The following KAT6A variants were observed in gnomAD, a reference collection of about 807,000 sequenced individuals.
KAT6A encodes the protein histone acetyltransferase KAT6A.
In KAT6A, 9 loss-of-function variants were observed where a neutral mutation model predicts 198.4. The observed-to-expected ratio is 0.05, with a 90% CI of 0.03 to 0.08. The LOEUF is 0.08. Ranked by LOEUF, KAT6A falls within the 10% of genes least tolerant of loss-of-function variation. The pLI is 1.00. For missense variants in KAT6A, 2,077 were observed against 2,509.9 expected, an observed-to-expected ratio of 0.83 and a Z score of 3.69; for synonymous variants, 890 against 883.0, an observed-to-expected ratio of 1.01 and a Z score of -0.14.
At chr8:42,027,696 C>T (rs564676363) in intron 2 of KAT6A, among the ~76,000 whole-genome samples, 20 of 152,010 alleles carry the variant, frequency 1.3e-4, no homozygotes, top group African/African-American at 4.1e-4. Flanking sequence ...TGGTTTGCCT[C>T]GCTAGCAGTT....
chr8:41,985,422 C>T (rs1192140567), intron 3 of KAT6A, among the ~76,000 whole-genome samples: 1 of 152,168 alleles, frequency 6.6e-6, no homozygotes, highest in Non-Finnish European at 1.5e-5. Context: ...TAAGTTCTGA[C>T]AAGTGGATGT....
At chr8:41,995,404 T>C (rs1268818746) in intron 2 of KAT6A, among the ~76,000 whole-genome samples, 1 of 152,150 alleles carries the variant, frequency 6.6e-6, no homozygotes, top group African/African-American at 2.4e-5. Flanking sequence ...CTACATCTCC[T>C]TTAAGCACCC....
Position 41,933,764 on chromosome 8 carries a change from C to G in KAT6A, c.4456G>C (p.Val1486Leu). 6.2e-7 allele frequency: 1 copy of G among 1,614,052 alleles called. No homozygotes were observed. The highest frequency in any genetic ancestry group is 8.5e-7 in the Non-Finnish European group (1 of 1,180,012). Residue 1486 changes from valine (V) to leucine (L), a missense_variant, in exon 17 of 17, where the codon GTT (valine) becomes CTT (leucine). Val to Leu is a conservative substitution (Grantham distance 32). Around this residue, in one of 13 missense-constraint regions of KAT6A, gnomAD observed 178 missense variants for 220.8 expected, o/e 0.81. Coordinates refer to ENST00000265713, the MANE Select transcript of KAT6A (RefSeq NM_006766.5). This position sits in a 1 kb window ranked among gnomAD's most constrained non-coding sequence, Gnocchi z 6.2. The stretch of plus-strand genomic sequence containing the variant: ...ACTGACTGGCTGGGGTGAGACTGAA[C>G]GGAGGAGATAGGGCTATTATGTTCT... The part of the protein sequence containing the change: ...ASEHNSPISS[V>L]QSHPSQSVRS...
At chr8:41,954,179 G>A (rs1292548133) in intron 9 of KAT6A, among the ~76,000 whole-genome samples, 2 of 152,126 alleles carry the variant, frequency 1.3e-5, no homozygotes, top group African/African-American at 4.8e-5. Context: ...TACTTCGACT[G>A]TAGACTAGAG....
intron 8 of KAT6A, among the ~76,000 whole-genome samples, chr8:41,973,299 C>T (rs1198836849): frequency 1.3e-5 from 2 of 151,488 alleles, no homozygotes; most frequent in African/African-American, 4.9e-5. Flanking sequence ...GATCTCGGCT[C>T]ACTGCAACCT....
At chr8:42,047,742 T>G (rs1390395718) in intron 2 of KAT6A, among the ~76,000 whole-genome samples, 1 of 152,212 alleles carries the variant, frequency 6.6e-6, no homozygotes, top group African/African-American at 2.4e-5. Context: ...GGATACTGTA[T>G]TCCTGTCCCA....
chr8:41,947,502 G>A (rs1174355950), intron 11 of KAT6A, among the ~76,000 whole-genome samples: 1 of 152,212 alleles, frequency 6.6e-6, no homozygotes, highest in Non-Finnish European at 1.5e-5. Flanking sequence ...ACCATGGGAA[G>A]AGAAGCCATT....
intron 2 of KAT6A, among the ~76,000 whole-genome samples, chr8:42,042,395 T>C (rs1266534646): frequency 6.7e-6 from 1 of 150,054 alleles, no homozygotes; most frequent in African/African-American, 2.5e-5. Flanking sequence ...GAGGTGGAGG[T>C]TGCACCACTG....
At position 41,942,865 on chromosome 8, in the gene KAT6A, C is replaced by T. The variant is rs373049865; in HGVS notation, c.2364G>A (p.Glu788=). 2 of 1,614,038 alleles carry T rather than the reference C, an allele frequency of 1.2e-6. No individual in the cohort carries two copies. The highest frequency in any genetic ancestry group is 1.7e-6 in the Non-Finnish European group (2 of 1,180,042). ...CTTCCTCAGCCTCCTCTTCTTCCTC[C>T]TCTGAGACCACAGAGTTGGACACTA... is the stretch of plus-strand genomic sequence containing the variant. ...PVIVSNSVVS[E]EEEEEAEEGE... The change falls in exon 14 of 17, where the codon GAG becomes GAA. Residue 788 remains glutamate, a synonymous_variant. Coordinates refer to ENST00000265713, the MANE Select transcript of KAT6A (RefSeq NM_006766.5).
intron 8 of KAT6A, among the ~76,000 whole-genome samples, chr8:41,960,448 A>C (rs1401230212): frequency 6.9e-6 from 1 of 145,720 alleles, no homozygotes; most frequent in Non-Finnish European, 1.5e-5. Context: ...CGGAGCTTGC[A>C]GTGAGCCAAG....
chr8:41,994,445 A>G (rs1250689272), intron 2 of KAT6A, among the ~76,000 whole-genome samples: 1 of 151,964 alleles, frequency 6.6e-6, no homozygotes, highest in Non-Finnish European at 1.5e-5. Flanking sequence ...TAGGTTTTCA[A>G]GGCAGTGGTT....
intron 2 of KAT6A, among the ~76,000 whole-genome samples, chr8:41,989,528 AACGTGACGTG>A (rs59726289): frequency 6.1e-4 from 92 of 149,608 alleles, no homozygotes; most frequent in African/African-American, 2.0e-3. Context: ...AACATAACGT[AACGTGACGTG>A]ACGTGACGTG....
At chr8:42,043,539 A>G (rs1251321847) in intron 2 of KAT6A, 2 of 152,204 alleles carry the variant, frequency 1.3e-5, no homozygotes, top group Non-Finnish European at 2.9e-5. Flanking sequence ...GATTACTCCT[A>G]ATCTTTGGTT....
chr8:41,983,350 A>T (rs1278606444), intron 3 of KAT6A, among the ~76,000 whole-genome samples: 1 of 152,190 alleles, frequency 6.6e-6, no homozygotes, highest in Non-Finnish European at 1.5e-5. Context: ...GAGGTGTGAA[A>T]ATTTCACCCA....
Position 41,929,508 on chromosome 8 carries a change from T to G in KAT6A, c.*2697A>C, listed in dbSNP as rs534955890. On this transcript the variant is annotated 3_prime_UTR_variant, in exon 17 of 17. Coordinates refer to ENST00000265713, the MANE Select transcript of KAT6A (RefSeq NM_006766.5). ...AAATGGCTCAACATAATTTATTTTTTATGTTAAAATGTACAGAGTTCTTTT... is the reference window on the plus strand; with the variant it reads ...AAATGGCTCAACATAATTTATTTTTGATGTTAAAATGTACAGAGTTCTTTT... The G allele has an allele frequency of 5.5e-6, 1 of 181,682 alleles. No individual in the cohort carries two copies. Among genetic ancestry groups the G allele is most frequent in the East Asian group, 9.0e-5 (1 of 11,084 alleles). 11.3% of individuals were successfully genotyped at this position (181,682 alleles called of 1,614,324 possible).
intron 2 of KAT6A, among the ~76,000 whole-genome samples, chr8:42,031,532 G>T (rs903956778): frequency 6.6e-6 from 1 of 150,770 alleles, no homozygotes; most frequent in Non-Finnish European, 1.5e-5. Flanking sequence ...AGAAAGTGCT[G>T]CAAGCTGGAT....
chr8:42,023,378 C>T (rs1564071753), intron 2 of KAT6A, among the ~76,000 whole-genome samples: 1 of 152,162 alleles, frequency 6.6e-6, no homozygotes, highest in Non-Finnish European at 1.5e-5. Flanking sequence ...GTTAACCTTA[C>T]CACAATGTAA....
intron 2 of KAT6A, among the ~76,000 whole-genome samples, chr8:41,989,447 T>G (rs2150894717): frequency 6.6e-6 from 1 of 151,972 alleles, no homozygotes; most frequent in Admixed American, 6.6e-5. Flanking sequence ...AGGTAGAGGT[T>G]GTAGTGAGCC....
In KAT6A at chr8:41,933,134, G is replaced by A; in HGVS notation, c.5086C>T (p.Pro1696Ser). Reference protein sequence around the residue: ...QPQQPPPPPPPQQQPPLSQCS... With the variant: ...QPQQPPPPPPSQQQPPLSQCS... ...TGTGACAGCGGGGGCTGCTGCTGGG[G>A]AGGGGGTGGGGGTGGAGGCTGCTGG... Residue 1696 changes from proline (P) to serine (S), a missense_variant, in exon 17 of 17, where the codon CCC becomes TCC. Coordinates refer to ENST00000265713, the MANE Select transcript of KAT6A (RefSeq NM_006766.5). The surrounding 1 kb of genome is among the most constrained non-coding windows in gnomAD (Gnocchi z 6.2). The A allele has an allele frequency of 6.2e-7, 1 of 1,608,714 alleles. No homozygotes were observed. Among genetic ancestry groups the A allele is most frequent in the South Asian group, 1.1e-5 (1 of 90,890 alleles).
Sources: gnomAD v4.1 joint callset for allele counts (sites outside exome capture counted in the v4.1 genomes callset) on GRCh38, gnomAD v4.1.1 for gene constraint, gnomAD v4.1.1 regional missense constraint, Gnocchi (gnomAD v3.1) non-coding constraint, MANE v1.5 for transcripts, NCBI Gene and HGNC (gene_info 2026-07-23, HGNC 2026-07-21) for gene names.